The following PTPRD variants were observed in gnomAD, a reference collection of about 807,000 sequenced individuals.
The protein encoded by PTPRD is receptor-type tyrosine-protein phosphatase delta.
A neutral mutation model predicts 214.5 loss-of-function variants in PTPRD; 34 were observed. The ratio of observed to expected loss-of-function variants is 0.16; its 90% confidence interval spans 0.12 to 0.21. The LOEUF (loss-of-function observed/expected upper bound fraction) is 0.21, where lower values mean the gene tolerates loss of function less well. Among genes scored for constraint, PTPRD ranks in the 10% least tolerant of loss-of-function variants. The pLI is 1.00. For synonymous variants in PTPRD, 1,128 were observed against 845.7 expected (o/e 1.33, Z -5.79); for missense variants, 2,545 against 2,398.7 (o/e 1.06, Z -1.27).
intron 12 of PTPRD, among the ~76,000 whole-genome samples, chr9:8,690,066 C>T (rs1383702992): frequency 1.3e-5 from 2 of 148,934 alleles, no homozygotes; most frequent in Admixed American, 6.7e-5. Context: ...CAAGATTGTA[C>T]CACTACACTT....
chr9:9,129,910 C>A (rs1380529530), intron 10 of PTPRD, among the ~76,000 whole-genome samples: 4 of 152,050 alleles, frequency 2.6e-5, no homozygotes, highest in African/African-American at 4.8e-5. Context: ...TTATTCTGGG[C>A]AAGTTATGTA....
intron 8 of PTPRD, among the ~76,000 whole-genome samples, chr9:9,525,899 A>T (rs2154259714): frequency 1.3e-5 from 2 of 152,126 alleles, no homozygotes; most frequent in East Asian, 3.9e-4. Context: ...TGTAAGCATC[A>T]CCTAAGTCAA....
rs1417532241 is a variant in PTPRD at position 8,517,810 on chromosome 9, T to A, written c.1543+38A>T. On this transcript the variant is annotated intron_variant, in intron 21 of 45. Transcript: ENST00000381196. ...CCTTCTCACCTCTTTGCACCAGCCC[T>A]TCCCTCCTGCCCTATTTCCCTCCTC... 1.9e-6 allele frequency: 3 copies of A among 1,554,208 alleles called. No individual in the cohort carries two copies. In the Admixed American group the frequency reaches 5.2e-5, roughly 27 times the overall value.
chr9:8,961,918 G>T (rs1232514968), intron 11 of PTPRD, among the ~76,000 whole-genome samples: 4 of 152,014 alleles, frequency 2.6e-5, no homozygotes, highest in Admixed American at 2.6e-4. Context: ...ATAAGAAAAA[G>T]TATGTATTCT....
At chr9:8,826,753 G>C (rs1296301214) in intron 11 of PTPRD, among the ~76,000 whole-genome samples, 1 of 151,646 alleles carries the variant, frequency 6.6e-6, no homozygotes, top group African/African-American at 2.4e-5. Flanking sequence ...CTGATCACCA[G>C]TAAATGCCCA....
chr9:9,974,883 G>A (rs1382387469), intron 4 of PTPRD, among the ~76,000 whole-genome samples: 1 of 152,162 alleles, frequency 6.6e-6, no homozygotes, highest in Non-Finnish European at 1.5e-5. Context: ...CTTTCATTCA[G>A]TGGGAAAAGG....
chr9:9,430,288 A>T (rs1224290152), intron 8 of PTPRD, among the ~76,000 whole-genome samples: 1 of 152,044 alleles, frequency 6.6e-6, no homozygotes, highest in East Asian at 1.9e-4. Context: ...ATCATGAGTG[A>T]ACTCCCATTC....
intron 8 of PTPRD, among the ~76,000 whole-genome samples, chr9:9,511,880 C>T (rs1435081084): frequency 1.3e-5 from 2 of 151,620 alleles, no homozygotes; most frequent in East Asian, 3.9e-4. Context: ...AGGTTTTCCC[C>T]TAAGGATGAG....
intron 39 of PTPRD, among the ~76,000 whole-genome samples, chr9:8,365,713 G>C (rs575652131): frequency 1.3e-5 from 2 of 152,254 alleles, no homozygotes; most frequent in East Asian, 1.9e-4. Context: ...CCCCTGACTT[G>C]TTTTAAACCA....
At chr9:8,635,323 G>A (rs1194924969) in intron 13 of PTPRD, among the ~76,000 whole-genome samples, 1 of 151,364 alleles carries the variant, frequency 6.6e-6, no homozygotes, top group Non-Finnish European at 1.5e-5. Context: ...ACTTCTCTTT[G>A]ACAAAAAATT....
chr9:9,107,866 C>G (rs2099800872), intron 10 of PTPRD, among the ~76,000 whole-genome samples: 1 of 152,076 alleles, frequency 6.6e-6, no homozygotes, highest in Admixed American at 6.6e-5. Flanking sequence ...ACTTACATGC[C>G]TTTATTTGTT....
intron 12 of PTPRD, among the ~76,000 whole-genome samples, chr9:8,729,190 C>T (rs1046309509): frequency 2.6e-5 from 4 of 152,104 alleles, no homozygotes; most frequent in African/African-American, 4.8e-5. Flanking sequence ...ACAGAGGAAA[C>T]GCCTTCTACT....
chr9:8,581,659 A>G (rs1033786697), intron 14 of PTPRD, among the ~76,000 whole-genome samples: 1 of 152,090 alleles, frequency 6.6e-6, no homozygotes, highest in African/African-American at 2.4e-5. Flanking sequence ...GAGGCAGGAG[A>G]ATGGCGTGAA....
intron 8 of PTPRD, among the ~76,000 whole-genome samples, chr9:9,441,284 GC>G (rs2087645417): frequency 6.6e-6 from 1 of 152,170 alleles, no homozygotes; most frequent in Admixed American, 6.5e-5. Flanking sequence ...GCAGTGAGGT[GC>G]AGGAGGGTAT....
At chr9:10,091,136 G>A (rs1467613578) in intron 3 of PTPRD, among the ~76,000 whole-genome samples, 3 of 151,322 alleles carry the variant, frequency 2.0e-5, no homozygotes. Context: ...AAAATGCATA[G>A]ATTATAAAAT....
At chr9:9,465,661 C>T (rs577419170) in intron 8 of PTPRD, among the ~76,000 whole-genome samples, 1 of 152,244 alleles carries the variant, frequency 6.6e-6, no homozygotes, top group South Asian at 2.1e-4. Flanking sequence ...TTTTTCTATG[C>T]CCCAAACCCA....
At chr9:9,958,444 T>G (rs2094121537) in intron 4 of PTPRD, among the ~76,000 whole-genome samples, 1 of 152,072 alleles carries the variant, frequency 6.6e-6, no homozygotes, top group South Asian at 2.1e-4. Context: ...GGCAGGAGAA[T>G]TGCTTGAACC....
chr9:9,526,948 CAAG>C (rs2074267701), intron 8 of PTPRD, among the ~76,000 whole-genome samples: 1 of 151,976 alleles, frequency 6.6e-6, no homozygotes, highest in African/African-American at 2.4e-5. Context: ...AAGTTGGAGT[CAAG>C]GAGGTATTTC....
At chr9:9,196,049 C>T (rs903497506) in intron 9 of PTPRD, among the ~76,000 whole-genome samples, 2 of 152,034 alleles carry the variant, frequency 1.3e-5, no homozygotes, top group African/African-American at 4.8e-5. Flanking sequence ...ATGGGGAGGC[C>T]AAGATTCTAG....
Sources: allele counts gnomAD v4.1 joint callset (sites outside exome capture counted in the v4.1 genomes callset), GRCh38; gene constraint gnomAD v4.1.1; transcripts MANE v1.5; gene names NCBI Gene and HGNC (gene_info 2026-07-23, HGNC 2026-07-21).